Variants in CNOT6L observed in about 807,000 individuals in gnomAD.
The protein encoded by CNOT6L is CCR4-NOT transcription complex subunit 6 like.
Under a neutral mutation model 64.0 loss-of-function variants are expected in CNOT6L, and 7 were observed. The observed-to-expected ratio is 0.11, with a 90% CI of 0.06 to 0.21. The LOEUF (loss-of-function observed/expected upper bound fraction) is 0.21. Ranked by LOEUF, CNOT6L falls within the 10% of genes least tolerant of loss-of-function variation. The pLI, the probability that CNOT6L is intolerant of heterozygous loss-of-function variation, is 1.00. For missense variants in CNOT6L, 245 were observed against 669.0 expected (o/e 0.37, Z 6.99); for synonymous variants, 193 against 243.4 (o/e 0.79, Z 1.93).
intron 5 of CNOT6L, among the ~76,000 whole-genome samples, chr4:77,753,918 AAC>A (rs1431662393): frequency 1.6e-4 from 24 of 146,744 alleles, no homozygotes; most frequent in Admixed American, 6.1e-4. Flanking sequence ...AAAAAAAAAA[AAC>A]TTGCCTAGCA....
chr4:77,743,396 G>A (rs554601939), intron 7 of CNOT6L, among the ~76,000 whole-genome samples: 2 of 151,860 alleles, frequency 1.3e-5, no homozygotes, highest in African/African-American at 4.8e-5. Context: ...TTTGTTTGCC[G>A]CCTCCTCTCC....
At chr4:77,781,588 G>C (rs986476502) in intron 1 of CNOT6L, among the ~76,000 whole-genome samples, 4 of 152,034 alleles carry the variant, frequency 2.6e-5, no homozygotes, top group Non-Finnish European at 5.9e-5. Flanking sequence ...CAAATCTCAA[G>C]TTTTATATGT....
intron 11 of CNOT6L, among the ~76,000 whole-genome samples, chr4:77,722,431 C>T (rs1292820763): frequency 1.3e-5 from 2 of 152,000 alleles, no homozygotes; most frequent in African/African-American, 4.8e-5. Context: ...GGTCTGGGGG[C>T]GTGCACCTGT....
chr4:77,741,732 T>C (rs1483986528), intron 8 of CNOT6L, among the ~76,000 whole-genome samples: 1 of 152,110 alleles, frequency 6.6e-6, no homozygotes, highest in African/African-American at 2.4e-5. Flanking sequence ...ATTTAGTGAA[T>C]AAATGATTTT....
chr4:77,747,449 T>G lies in CNOT6L; in HGVS notation c.559+867A>C, dbSNP rs137930752. ...TCCCAATGTGCTGGGATTACAGGCA[T>G]GAGCCACAGTGCCCAGCCAAAATCT... On this transcript the variant is annotated intron_variant, in intron 6 of 11. Coordinates refer to ENST00000504123, the MANE Select transcript of CNOT6L (RefSeq NM_144571.3). Among the ~76,000 whole-genome samples the G allele has an allele frequency of 6.7e-3, 1,028 of 152,348 alleles. 8 individuals carry two copies. Among genetic ancestry groups the G allele is most frequent in the African/African-American group, 0.023 (956 of 41,588 alleles).
intron 11 of CNOT6L, among the ~76,000 whole-genome samples, chr4:77,722,986 TAATA>T (rs921453297): frequency 5.4e-5 from 3 of 55,320 alleles, no homozygotes; most frequent in South Asian, 1.0e-3. Flanking sequence ...ACGAAAATAT[TAATA>T]GTCTGTTACC....
intron 6 of CNOT6L, among the ~76,000 whole-genome samples, chr4:77,746,121 C>T (rs1480562635): frequency 2.6e-5 from 4 of 152,156 alleles, no homozygotes; most frequent in East Asian, 1.9e-4. Context: ...GGAAGTAAGG[C>T]GAAAGAGGCA....
intron 1 of CNOT6L, among the ~76,000 whole-genome samples, chr4:77,777,580 G>A (rs1347280364): frequency 6.6e-6 from 1 of 152,152 alleles, no homozygotes; most frequent in African/African-American, 2.4e-5. Context: ...AACAAGAATA[G>A]CAAATGACAC....
intron 5 of CNOT6L, among the ~76,000 whole-genome samples, chr4:77,755,720 T>C (rs1725489186): frequency 6.6e-6 from 1 of 152,132 alleles, no homozygotes; most frequent in African/African-American, 2.4e-5. Context: ...CCTTACTTTA[T>C]GTGAAGGAGT....
chr4:77,808,598 TG>T (rs1732526450), intron 1 of CNOT6L, among the ~76,000 whole-genome samples: 1 of 152,100 alleles, frequency 6.6e-6, no homozygotes. Flanking sequence ...CAATGTGGGA[TG>T]AATTTTACAA....
At chr4:77,723,202 G>A (rs1560570863) in intron 11 of CNOT6L, among the ~76,000 whole-genome samples, 1 of 151,980 alleles carries the variant, frequency 6.6e-6, no homozygotes, top group South Asian at 2.1e-4. Context: ...AAACTTACCT[G>A]GTCTGAAAGT....
intron 1 of CNOT6L, among the ~76,000 whole-genome samples, chr4:77,788,353 C>G (rs1729691234): frequency 6.6e-6 from 1 of 152,138 alleles, no homozygotes; most frequent in African/African-American, 2.4e-5. Context: ...ATATGTATGA[C>G]ATGCATGATA....
At chr4:77,796,443 A>G (rs1470924882) in intron 1 of CNOT6L, among the ~76,000 whole-genome samples, 2 of 151,868 alleles carry the variant, frequency 1.3e-5, no homozygotes. Flanking sequence ...TGTTGCTTGA[A>G]GGGGATGTGT....
Position 77,819,180 on chromosome 4 carries a change from G to A in CNOT6L, c.5+124C>T, listed in dbSNP as rs1033052454. On this transcript the variant is annotated intron_variant, in intron 1 of 11. Coordinates refer to ENST00000504123, the MANE Select transcript of CNOT6L (RefSeq NM_144571.3). ...CCGTGGGTCCTCGGGCCGCCTCCCC[G>A]CCCGCCAAAGTCCCAACTCGCACAC... 1.8e-5 allele frequency: 29 copies of A among 1,588,592 alleles called. No individual in the cohort carries two copies. In the African/African-American group the frequency reaches 3.7e-4, roughly 20 times the overall value.
chr4:77,787,649 G>A (rs1465820488), intron 1 of CNOT6L, among the ~76,000 whole-genome samples: 1 of 152,154 alleles, frequency 6.6e-6, no homozygotes, highest in Non-Finnish European at 1.5e-5. Flanking sequence ...TTGAAACTCA[G>A]AGAATCCACT....
At chr4:77,773,642 T>A (rs929277359) in intron 3 of CNOT6L, among the ~76,000 whole-genome samples, 1 of 151,554 alleles carries the variant, frequency 6.6e-6, no homozygotes, top group African/African-American at 2.4e-5. Flanking sequence ...ACTACTCTAA[T>A]CACATCAAAA....
intron 5 of CNOT6L, among the ~76,000 whole-genome samples, chr4:77,756,273 G>A (rs886735971): frequency 6.6e-6 from 1 of 152,206 alleles, no homozygotes; most frequent in Admixed American, 6.5e-5. Flanking sequence ...GATTACAAGT[G>A]TGAGCCACCA....
At chr4:77,793,454 A>G (rs910758245) in intron 1 of CNOT6L, among the ~76,000 whole-genome samples, 1 of 152,230 alleles carries the variant, frequency 6.6e-6, no homozygotes, top group Non-Finnish European at 1.5e-5. Flanking sequence ...TTAGAGTGGC[A>G]TAAGCGCATT....
In CNOT6L at chr4:77,800,703, G is replaced by C. The variant is rs566134729; in HGVS notation, c.5+18601C>G. 1.3e-3 allele frequency among the ~76,000 whole-genome samples: 205 copies of C among 152,246 alleles called. 1 individual carries two copies. Among genetic ancestry groups the C allele is most frequent in the Middle Eastern group, 0.01 (3 of 294 alleles). On this transcript the variant is annotated intron_variant, in intron 1 of 11. Coordinates refer to ENST00000504123, the MANE Select transcript of CNOT6L (RefSeq NM_144571.3). ...TGACTATTCTGAGAAGCAGGGTTTA[G>C]AATGTGTATAAGCCATATCTGAAAT...
Sources: gnomAD v4.1 joint callset for allele counts (sites outside exome capture counted in the v4.1 genomes callset) on GRCh38, gnomAD v4.1.1 for gene constraint, MANE v1.5 for transcripts, NCBI Gene and HGNC (gene_info 2026-07-23, HGNC 2026-07-21) for gene names.